Variants in SGCZ observed in about 807,000 individuals in gnomAD.
SGCZ encodes the protein sarcoglycan zeta, also known as zeta-sarcoglycan.
Under a neutral mutation model 41.3 loss-of-function variants are expected in SGCZ, and 40 were observed. The observed-to-expected ratio is 0.97, with a 90% CI of 0.75 to 1.26. SGCZ has a LOEUF of 1.26. Ranked by LOEUF, SGCZ falls within the 50% of genes most tolerant of loss-of-function variation. The probability of loss-of-function intolerance (pLI) is 0.00; values close to 1 mark genes in which losing one functional copy is unlikely to be tolerated. For synonymous variants in SGCZ, 206 were observed against 137.5 expected (o/e 1.50, Z -3.49); for missense variants, 552 against 369.8 (o/e 1.49, Z -4.04).
At chr8:14,539,644 A>T (rs1803399609) in intron 2 of SGCZ, among the ~76,000 whole-genome samples, 1 of 151,940 alleles carries the variant, frequency 6.6e-6, no homozygotes, top group South Asian at 2.1e-4. Context: ...TTTACCCTCC[A>T]GGTATTAAGC....
intron 5 of SGCZ, among the ~76,000 whole-genome samples, chr8:14,131,006 A>C: frequency 6.6e-6 from 1 of 152,204 alleles, no homozygotes; most frequent in East Asian, 1.9e-4. Context: ...CACCTCCTCA[A>C]ACTCATCTAT....
At chr8:14,282,778 G>A (rs1800489285) in intron 3 of SGCZ, among the ~76,000 whole-genome samples, 2 of 150,634 alleles carry the variant, frequency 1.3e-5, no homozygotes, top group Admixed American at 1.3e-4. Flanking sequence ...TAGCTCTTCT[G>A]GCTCTACATT....
At chr8:15,018,647 G>A (rs1803134215) in intron 1 of SGCZ, among the ~76,000 whole-genome samples, 1 of 152,152 alleles carries the variant, frequency 6.6e-6, no homozygotes, top group Non-Finnish European at 1.5e-5. Context: ...AGGGGAGAAG[G>A]TAAGTGATGA....
At chr8:15,211,098 T>TAGATAGATATAGATATAGATATAG (rs1563186269) in intron 1 of SGCZ, among the ~76,000 whole-genome samples, 1 of 151,042 alleles carries the variant, frequency 6.6e-6, no homozygotes, top group African/African-American at 2.4e-5. Flanking sequence ...TATAGATATA[T>TAGATAGATATAGATATAGATATAG]ATAGCTATAT....
At chr8:14,625,709 G>A (rs1037173988) in intron 1 of SGCZ, among the ~76,000 whole-genome samples, 1 of 152,040 alleles carries the variant, frequency 6.6e-6, no homozygotes, top group Non-Finnish European at 1.5e-5. Context: ...GGGATTAAAG[G>A]CATGAGCCAG....
intron 1 of SGCZ, among the ~76,000 whole-genome samples, chr8:14,603,032 G>T (rs1563145663): frequency 6.6e-6 from 1 of 152,130 alleles, no homozygotes; most frequent in East Asian, 1.9e-4. Context: ...TTCAGGCATG[G>T]CTTCAGAGAC....
intron 1 of SGCZ, among the ~76,000 whole-genome samples, chr8:14,881,556 G>T (rs932534504): frequency 6.6e-6 from 1 of 152,144 alleles, no homozygotes; most frequent in African/African-American, 2.4e-5. Context: ...AAGCTCTGGA[G>T]TGAGCCATGG....
intron 1 of SGCZ, among the ~76,000 whole-genome samples, chr8:15,124,973 AAGT>A (rs1421210262): frequency 1.3e-5 from 2 of 152,172 alleles, no homozygotes; most frequent in South Asian, 2.1e-4. Flanking sequence ...ATGGGTATAA[AAGT>A]AGAGGAAATG....
intron 1 of SGCZ, among the ~76,000 whole-genome samples, chr8:15,074,341 T>C (rs571740173): frequency 6.6e-6 from 1 of 152,204 alleles, no homozygotes. Flanking sequence ...TTACTGGCTG[T>C]CGTGCAGCTG....
chr8:14,728,734 T>C (rs992815808), intron 1 of SGCZ, among the ~76,000 whole-genome samples: 3 of 152,160 alleles, frequency 2.0e-5, no homozygotes, highest in Non-Finnish European at 4.4e-5. Flanking sequence ...CCATGCCTTA[T>C]CTGAAAGAGC....
intron 4 of SGCZ, among the ~76,000 whole-genome samples, chr8:14,234,422 G>C (rs1585260150): frequency 6.6e-6 from 1 of 152,066 alleles, no homozygotes; most frequent in Non-Finnish European, 1.5e-5. Flanking sequence ...ATATATTTTT[G>C]AGGAAAAATG....
chr8:14,544,838 A>G (rs1803575724), intron 2 of SGCZ, among the ~76,000 whole-genome samples: 1 of 152,072 alleles, frequency 6.6e-6, no homozygotes, highest in Admixed American at 6.6e-5. Flanking sequence ...TTGGGCCCTT[A>G]TCAGTAGTCC....
intron 1 of SGCZ, among the ~76,000 whole-genome samples, chr8:15,050,100 T>G (rs1162935364): frequency 6.6e-6 from 1 of 152,126 alleles, no homozygotes; most frequent in Non-Finnish European, 1.5e-5. Context: ...CAGACACACA[T>G]GCACACATAT....
chr8:14,564,139 G>A (rs555186727), intron 1 of SGCZ, among the ~76,000 whole-genome samples: 14 of 152,142 alleles, frequency 9.2e-5, no homozygotes, highest in African/African-American at 3.4e-4. Context: ...TTGAGAAATT[G>A]CTTTTAATTT....
chr8:14,794,616 G>C (rs1160071893), intron 1 of SGCZ, among the ~76,000 whole-genome samples: 4 of 152,118 alleles, frequency 2.6e-5, no homozygotes, highest in Non-Finnish European at 5.9e-5. Context: ...AAAGAAGTTA[G>C]AAAATAAAAA....
At chr8:14,505,335 G>A (rs554174032) in intron 2 of SGCZ, among the ~76,000 whole-genome samples, 2 of 152,088 alleles carry the variant, frequency 1.3e-5, no homozygotes, top group East Asian at 1.9e-4. Flanking sequence ...AAATGCCCCA[G>A]AGTAAAGAGC....
At chr8:14,231,253 CAG>C (rs1163656774) in intron 4 of SGCZ, among the ~76,000 whole-genome samples, 4 of 141,460 alleles carry the variant, frequency 2.8e-5, no homozygotes, top group Non-Finnish European at 6.2e-5. Flanking sequence ...GAGAGAGACA[CAG>C]AGAGAGAGAG....
At chr8:15,082,211 A>T (rs1805778672) in intron 1 of SGCZ, among the ~76,000 whole-genome samples, 2 of 152,058 alleles carry the variant, frequency 1.3e-5, no homozygotes, top group Admixed American at 1.3e-4. Context: ...CCTGGGCAAC[A>T]TAGCGAGACT....
intron 1 of SGCZ, among the ~76,000 whole-genome samples, chr8:15,160,004 G>A (rs1310160715): frequency 6.6e-6 from 1 of 151,664 alleles, no homozygotes; most frequent in Non-Finnish European, 1.5e-5. Context: ...TTTTTTTGTT[G>A]TTTTTCACTT....
Sources: allele counts gnomAD v4.1 joint callset (sites outside exome capture counted in the v4.1 genomes callset), GRCh38; gene constraint gnomAD v4.1.1; transcripts MANE v1.5; gene names NCBI Gene and HGNC (gene_info 2026-07-23, HGNC 2026-07-21).